The following USP10 variants were observed in gnomAD, a reference collection of about 807,000 sequenced individuals.
The protein encoded by USP10 is ubiquitin specific peptidase 10, also known as ubiquitin carboxyl-terminal hydrolase 10.
USP10 carries 22 observed loss-of-function variants against 84.5 expected under a neutral mutation model. That is an observed-to-expected ratio of 0.26 (90% CI 0.19 to 0.37). USP10 has a LOEUF of 0.37. Among genes scored for constraint, USP10 ranks in the 10% least tolerant of loss-of-function variants. USP10 has a pLI of 1.00. For synonymous variants in USP10, 454 were observed against 387.6 expected, an observed-to-expected ratio of 1.17 and a Z score of -2.01; for missense variants, 1,019 against 998.9, an observed-to-expected ratio of 1.02 and a Z score of -0.27.
At chr16:84,735,889 C>T (rs891887357) in intron 2 of USP10, among the ~76,000 whole-genome samples, 2 of 152,212 alleles carry the variant, frequency 1.3e-5, no homozygotes, top group Admixed American at 1.3e-4. Context: ...TTGTTTTCCC[C>T]AATCTTCAGG....
At chr16:84,759,256 T>C in intron 5 of USP10, 107 bp from the exon 6 acceptor site, 2 of 1,036,848 alleles carry the variant, frequency 1.9e-6, no homozygotes, top group Non-Finnish European at 3.0e-6. Context: ...TAGTTCAACG[T>C]CCTTAGCTTC....
At chr16:84,771,798 AC>A (rs1354224680) in intron 11 of USP10, among the ~76,000 whole-genome samples, 2 of 151,954 alleles carry the variant, frequency 1.3e-5, no homozygotes, top group Non-Finnish European at 2.9e-5. Flanking sequence ...AACCCGGGAG[AC>A]GGATGTTGCA....
At position 84,700,037 on chromosome 16, in the gene USP10, G is replaced by C. The variant is rs1192050079; in HGVS notation, c.-54G>C. 3 of 1,346,148 alleles carry C rather than the reference G, an allele frequency of 2.2e-6. No individual in the cohort carries two copies. Among genetic ancestry groups the C allele is most frequent in the South Asian group, 1.4e-5 (1 of 72,644 alleles). The allele number at this position is 1,346,148 out of a possible 1,614,324, so 83.4% of individuals were successfully genotyped here. On this transcript the variant is annotated 5_prime_UTR_variant, in exon 1 of 14. Coordinates refer to ENST00000219473, the MANE Select transcript of USP10 (RefSeq NM_005153.3). ...GCGGGCGAGAAGATGGCGGCGGCGGGGGAAGCAGCGTGAGCAGCCGGAGGA... is the reference window on the plus strand; with the variant it reads ...GCGGGCGAGAAGATGGCGGCGGCGGCGGAAGCAGCGTGAGCAGCCGGAGGA...
At chr16:84,762,112 GA>G (rs928579262) in intron 8 of USP10, among the ~76,000 whole-genome samples, 1 of 152,232 alleles carries the variant, frequency 6.6e-6, no homozygotes, top group African/African-American at 2.4e-5. Context: ...CGTGATGTGG[GA>G]TTATTAAACT....
At position 84,764,255 on chromosome 16, in the gene USP10, A is replaced by G. The variant is rs766708121; in HGVS notation, c.1824A>G (p.Gly608=). 14 of 1,613,876 alleles carry G rather than the reference A, an allele frequency of 8.7e-6. No individual in the cohort carries two copies. In the African/African-American group the frequency reaches 1.5e-4, roughly 17 times the overall value. ...VQTPITGIFG[G]HIRSVVYQQS... ...CTCCAATCACCGGCATTTTTGGTGGACACATCAGGTTTGTGCTTTTCTGGA... is the reference window on the plus strand; with the variant it reads ...CTCCAATCACCGGCATTTTTGGTGGGCACATCAGGTTTGTGCTTTTCTGGA... Residue 608 remains glycine (G), a synonymous_variant, in exon 10 of 14, where the codon GGA becomes GGG. Transcript: ENST00000219473.
intron 1 of USP10, among the ~76,000 whole-genome samples, chr16:84,703,565 C>A (rs1442182364): frequency 6.6e-6 from 1 of 152,210 alleles, no homozygotes; most frequent in East Asian, 1.9e-4. Context: ...AAAAGAGATA[C>A]ATTTTTATTA....
Position 84,747,795 on chromosome 16 carries a change from G to T in USP10, c.1192+2122G>T, listed in dbSNP as rs372963197. On this transcript the variant is annotated intron_variant, in intron 4 of 13. Coordinates refer to ENST00000219473, the MANE Select transcript of USP10 (RefSeq NM_005153.3). Reference sequence around the variant, plus strand: ...CTGCCCAGGCTGGCCTCAAACTCCTGACCTCAAGTGATCTGCTCGCTTCAG... The same window carrying T: ...CTGCCCAGGCTGGCCTCAAACTCCTTACCTCAAGTGATCTGCTCGCTTCAG... Among the ~76,000 whole-genome samples, 178 of 151,998 alleles carry T rather than the reference G, an allele frequency of 1.2e-3. 2 individuals carry two copies. Among genetic ancestry groups the T allele is most frequent in the African/African-American group, 3.9e-3 (162 of 41,468 alleles).
chr16:84,737,880 C>T (rs532594342), intron 2 of USP10, among the ~76,000 whole-genome samples: 1 of 152,328 alleles, frequency 6.6e-6, no homozygotes, highest in South Asian at 2.1e-4. Flanking sequence ...CCTTTCCAGC[C>T]TCTCCACCCT....
intron 3 of USP10, among the ~76,000 whole-genome samples, chr16:84,741,638 C>T (rs774424820): frequency 6.6e-6 from 1 of 152,168 alleles, no homozygotes; most frequent in Non-Finnish European, 1.5e-5. Flanking sequence ...GGCCCTTTTT[C>T]TCCATTCTTT....
At chr16:84,755,926 T>C (rs1380616607) in intron 4 of USP10, among the ~76,000 whole-genome samples, 1 of 152,190 alleles carries the variant, frequency 6.6e-6, no homozygotes, top group Non-Finnish European at 1.5e-5. Context: ...AAAAATAACC[T>C]GCTCATCTGT....
intron 1 of USP10, among the ~76,000 whole-genome samples, chr16:84,707,193 C>G (rs1905644386): frequency 1.3e-5 from 2 of 152,316 alleles, no homozygotes; most frequent in South Asian, 4.1e-4. Flanking sequence ...CTGGAAGAGA[C>G]TGATGAAGGC....
chr16:84,700,493 G>C (rs1436165934), intron 1 of USP10, among the ~76,000 whole-genome samples: 2 of 152,052 alleles, frequency 1.3e-5, no homozygotes, highest in African/African-American at 4.8e-5. Flanking sequence ...GAGTCCCCTG[G>C]AGCGCAGGGG....
At chr16:84,704,158 G>T (rs1905206262) in intron 1 of USP10, among the ~76,000 whole-genome samples, 1 of 152,126 alleles carries the variant, frequency 6.6e-6, no homozygotes, top group African/African-American at 2.4e-5. Context: ...TTTTGTTTCG[G>T]TTTTTTGTTT....
Position 84,745,134 on chromosome 16 carries a change from C to G in USP10, c.653C>G (p.Ser218Cys), listed in dbSNP as rs1264745068. 1.9e-6 allele frequency: 3 copies of G among 1,613,574 alleles called. No homozygotes were observed. The highest frequency in any genetic ancestry group is 1.7e-5 in the Admixed American group (1 of 60,004). Residue 218 changes from serine (S) to cysteine (C), a missense_variant, in exon 4 of 14, where the codon TCT (serine) becomes TGT (cysteine). Ser to Cys is a moderately radical substitution (Grantham distance 112). This residue lies in a region of USP10 where 787 missense variants were observed against 708.8 expected (regional missense o/e 1.11). Coordinates refer to ENST00000219473, the MANE Select transcript of USP10 (RefSeq NM_005153.3). ...TCNSPQNSTD[S>C]VSDIVPDSPF... ...AACAGCCCCCAGAACTCCACAGACT[C>G]TGTCAGTGACATTGTGCCTGACAGT...
At chr16:84,722,827 A>T (rs1387762237) in intron 1 of USP10, among the ~76,000 whole-genome samples, 1 of 152,168 alleles carries the variant, frequency 6.6e-6, no homozygotes, top group Non-Finnish European at 1.5e-5. Flanking sequence ...AAGTGCTGGG[A>T]TTACAGGTGT....
chr16:84,733,599 G>A, intron 2 of USP10, 96 bp downstream of exon 2: 1 of 896,970 alleles, frequency 1.1e-6, no homozygotes, highest in Non-Finnish European at 1.7e-6. Flanking sequence ...GAATTCCAAT[G>A]TAGAGAAAAG....
intron 1 of USP10, among the ~76,000 whole-genome samples, chr16:84,708,347 G>T (rs1301952307): frequency 6.6e-6 from 1 of 152,162 alleles, no homozygotes; most frequent in Non-Finnish European, 1.5e-5. Context: ...CTGCTCCGAA[G>T]GCTGAGGCAG....
At chr16:84,701,884 A>T (rs540976168) in intron 1 of USP10, among the ~76,000 whole-genome samples, 1 of 150,968 alleles carries the variant, frequency 6.6e-6, no homozygotes, top group Admixed American at 6.6e-5. Flanking sequence ...TTTAAGTTTT[A>T]GCATGGAGAA....
chr16:84,707,072 C>T (rs1184339303), intron 1 of USP10, among the ~76,000 whole-genome samples: 1 of 152,038 alleles, frequency 6.6e-6, no homozygotes, highest in African/African-American at 2.4e-5. Context: ...AAGATAAGAC[C>T]CAGAGAGGTT....
Sources: gnomAD v4.1 joint callset for allele counts (sites outside exome capture counted in the v4.1 genomes callset) on GRCh38, gnomAD v4.1.1 for gene constraint, gnomAD v4.1.1 regional missense constraint, MANE v1.5 for transcripts, NCBI Gene and HGNC (gene_info 2026-07-23, HGNC 2026-07-21) for gene names.